FNDC3B: variants seen among roughly 807,000 people sequenced by gnomAD.
The protein encoded by FNDC3B is fibronectin type III domain-containing protein 3B.
Under a neutral mutation model 151.5 loss-of-function variants are expected in FNDC3B, and 12 were observed. That is an observed-to-expected ratio of 0.08 (90% CI 0.05 to 0.13). FNDC3B has a LOEUF of 0.13. Among genes scored for constraint, FNDC3B ranks in the 10% least tolerant of loss-of-function variants. The pLI, the probability that FNDC3B is intolerant of heterozygous loss-of-function variation, is 1.00. For missense variants in FNDC3B, 1,214 were observed against 1,505.3 expected (o/e 0.81, Z 3.20); for synonymous variants, 528 against 549.0 (o/e 0.96, Z 0.54).
At chr3:172,244,070 A>T (rs1727644311) in intron 4 of FNDC3B, among the ~76,000 whole-genome samples, 1 of 152,218 alleles carries the variant, frequency 6.6e-6, no homozygotes, top group South Asian at 2.1e-4. Context: ...ACTTACTAGG[A>T]CTTAGTCTAA....
intron 3 of FNDC3B, among the ~76,000 whole-genome samples, chr3:172,191,885 T>A (rs116147345): frequency 0.022 from 3,290 of 152,228 alleles, 116 homozygotes; most frequent in African/African-American, 0.076. Flanking sequence ...ATTGGAGCGC[T>A]GTGTAGAGGA....
intron 3 of FNDC3B, among the ~76,000 whole-genome samples, chr3:172,137,145 C>T (rs1338680450): frequency 6.6e-6 from 1 of 152,144 alleles, no homozygotes; most frequent in Non-Finnish European, 1.5e-5. Context: ...AGATTAGGGA[C>T]TGCTTTGTGG....
chr3:172,134,299 C>T (rs1182452339), intron 3 of FNDC3B: 1 of 502,758 alleles, frequency 2.0e-6, no homozygotes, highest in Non-Finnish European at 4.0e-6. Context: ...GTACTTTGAT[C>T]CATATGGAGT....
chr3:172,129,470 G>A (rs926447107), intron 2 of FNDC3B, among the ~76,000 whole-genome samples: 1 of 152,164 alleles, frequency 6.6e-6, no homozygotes, highest in African/African-American at 2.4e-5. Context: ...ATAAAACAGA[G>A]TTAGGTTTAG....
chr3:172,136,501 C>T (rs1246147462), intron 3 of FNDC3B, among the ~76,000 whole-genome samples: 1 of 151,956 alleles, frequency 6.6e-6, no homozygotes, highest in East Asian at 1.9e-4. Flanking sequence ...TTGATTGGGG[C>T]CAGGGAGGGC....
intron 22 of FNDC3B, among the ~76,000 whole-genome samples, chr3:172,356,687 C>T (rs73167287): frequency 0.087 from 13,258 of 152,172 alleles, 635 homozygotes; most frequent in Middle Eastern, 0.15. Flanking sequence ...TAACTTTACT[C>T]GGAGCCCATC....
At chr3:172,330,803 C>T (rs1732612020) in intron 13 of FNDC3B, 88 bp downstream of exon 13, 12 of 1,062,148 alleles carry the variant, frequency 1.1e-5, no homozygotes, top group South Asian at 1.6e-5. Flanking sequence ...AGATTAACTG[C>T]ATCAGTTCAA....
In FNDC3B at chr3:172,094,972, C is replaced by G. The variant is rs533340482; in HGVS notation, c.-28-17480C>G. 2.0e-5 allele frequency among the ~76,000 whole-genome samples: 3 copies of G among 151,938 alleles called. 1 individual carries two copies. The South Asian group carries it at 6.2e-4, about 32-fold the overall frequency. On this transcript the variant is annotated intron_variant, in intron 1 of 25. Coordinates refer to ENST00000415807, the MANE Select transcript of FNDC3B (RefSeq NM_022763.4). The stretch of plus-strand genomic sequence containing the variant: ...AGTAGTGACTTGACTAGTTCCTGAA[C>G]TAGGGTGTTGCTGCTGGTGGTGGTA...
intron 1 of FNDC3B, among the ~76,000 whole-genome samples, chr3:172,045,786 C>CTATA (rs1163697833): frequency 5.7e-5 from 8 of 139,270 alleles, no homozygotes; most frequent in South Asian, 2.3e-4. Flanking sequence ...CTCTCTCTCT[C>CTATA]TCTCTCTCTA....
chr3:172,199,951 CA>C (rs1386583327), intron 3 of FNDC3B, among the ~76,000 whole-genome samples: 2 of 152,170 alleles, frequency 1.3e-5, no homozygotes, highest in Non-Finnish European at 2.9e-5. Context: ...GTGTTTCGTG[CA>C]TTTGTATGGT....
chr3:172,360,176 T>C (rs1560099120), intron 22 of FNDC3B, among the ~76,000 whole-genome samples: 1 of 152,222 alleles, frequency 6.6e-6, no homozygotes, highest in African/African-American at 2.4e-5. Flanking sequence ...TGGTATTACA[T>C]TGCGAATTTA....
intron 23 of FNDC3B, among the ~76,000 whole-genome samples, chr3:172,366,865 A>G (rs1734648952): frequency 1.3e-5 from 2 of 152,224 alleles, no homozygotes; most frequent in Admixed American, 1.3e-4. Context: ...GATAGGATGG[A>G]AATTACAGGC....
At chr3:172,243,316 G>C (rs563757868) in intron 4 of FNDC3B, among the ~76,000 whole-genome samples, 1 of 152,284 alleles carries the variant, frequency 6.6e-6, no homozygotes, top group East Asian at 1.9e-4. Context: ...CCAATTTACT[G>C]TATTAGTCTG....
In FNDC3B at chr3:172,185,576, A is replaced by G. The variant is rs141094148; in HGVS notation, c.188-41295A>G. Among the ~76,000 whole-genome samples, 56 of 152,282 alleles carry G rather than the reference A, an allele frequency of 3.7e-4. 1 individual carries two copies. The highest frequency in any genetic ancestry group is 1.2e-3 in the African/African-American group (51 of 41,562). On this transcript the variant is annotated intron_variant, in intron 3 of 25. Transcript: ENST00000415807. ...GTTCTTTTGCAGAGGTCTATTTCCT[A>G]TTGAGATTTGAAAAGGAATGTTTTG...
chr3:172,310,903 C>G lies in FNDC3B; in HGVS notation c.1254+22C>G, dbSNP rs564825873. The stretch of plus-strand genomic sequence containing the variant: ...TGAGGTAAGCTTATTTTCATATTCA[C>G]CCATCTAAAACACCATTTCAAAAAC... On this transcript the variant is annotated intron_variant, in intron 11 of 25. Transcript: ENST00000415807. The G allele has an allele frequency of 1.9e-6, 3 of 1,574,496 alleles. No homozygotes were observed. The Admixed American group carries it at 5.0e-5, about 26-fold the overall frequency.
chr3:172,205,939 C>A (rs529636545), intron 3 of FNDC3B, among the ~76,000 whole-genome samples: 1 of 152,180 alleles, frequency 6.6e-6, no homozygotes, highest in East Asian at 1.9e-4. Context: ...TGATTTTAAA[C>A]TTAAAGTCAA....
chr3:172,382,825 A>G (rs1346834382), intron 25 of FNDC3B, among the ~76,000 whole-genome samples: 1 of 152,154 alleles, frequency 6.6e-6, no homozygotes. Flanking sequence ...CCATTGGTCT[A>G]TATATCTGTT....
At chr3:172,368,590 T>A (rs1398474027) in intron 23 of FNDC3B, among the ~76,000 whole-genome samples, 1 of 152,242 alleles carries the variant, frequency 6.6e-6, no homozygotes, top group Admixed American at 6.5e-5. Flanking sequence ...ATCTCAGAAC[T>A]GTTGCTGGGT....
intron 3 of FNDC3B, among the ~76,000 whole-genome samples, chr3:172,199,274 G>A (rs529648693): frequency 2.6e-4 from 40 of 151,760 alleles, no homozygotes; most frequent in African/African-American, 9.7e-4. Flanking sequence ...CCGCCTCCCG[G>A]GTTCACGCCA....
Sources: gnomAD v4.1 joint callset for allele counts (sites outside exome capture counted in the v4.1 genomes callset) on GRCh38, gnomAD v4.1.1 for gene constraint, MANE v1.5 for transcripts, NCBI Gene and HGNC (gene_info 2026-07-23, HGNC 2026-07-21) for gene names.